DAB2: variants seen among roughly 807,000 people sequenced by gnomAD.
DAB2 encodes DAB adaptor protein 2.
Under a neutral mutation model 71.6 loss-of-function variants are expected in DAB2, and 28 were observed. The ratio of observed to expected loss-of-function variants is 0.39; its 90% CI spans 0.29 to 0.54. DAB2 has a LOEUF of 0.54. DAB2 is among the 20% of genes least tolerant of loss of function. DAB2 has a pLI of 0.68. For synonymous variants in DAB2, 345 were observed against 339.7 expected, an observed-to-expected ratio of 1.02 and a Z score of -0.17; for missense variants, 867 against 928.8, an observed-to-expected ratio of 0.93 and a Z score of 0.86.
In DAB2 at chr5:39,377,123, C is replaced by T; in HGVS notation, c.1664G>A (p.Trp555Ter). 6.2e-7 allele frequency: 1 copy of T among 1,614,130 alleles called. No individual in the cohort carries two copies. Among genetic ancestry groups the T allele is most frequent in the Admixed American group, 1.7e-5 (1 of 60,010 alleles). The change falls in exon 12 of 15, where the codon TGG (tryptophan) becomes TAG (stop). Residue 555 changes from tryptophan to a stop codon, truncating the protein, a stop_gained. Transcript: ENST00000320816. LOFTEE classifies it high-confidence loss of function. ...IFGTSPAVSGWNQPSPFAAST... is the reference protein window; with the variant it reads ...IFGTSPAVSG ...GGCTGCAAAGGGTGAAGGCTGGTTC[C>T]AACCTGAAACAGCTGGACTTGTACC...
intron 1 of DAB2, 76 bp downstream of exon 1, chr5:39,424,728 G>C (rs948767674): frequency 1.3e-5 from 2 of 149,474 alleles, no homozygotes; most frequent in Admixed American, 1.3e-4. Context: ...GGGTGAGAGA[G>C]GGGGAGCAAA....
chr5:39,388,209 C>T lies in DAB2; in HGVS notation c.687+96G>A, dbSNP rs1348860901. On this transcript the variant is annotated intron_variant, in intron 9 of 14. Coordinates refer to ENST00000320816, the MANE Select transcript of DAB2 (RefSeq NM_001343.4). ...ATTTGCAAAAATCAACAGTCACCTT[C>T]CAAGTTTCAATGAGATGCTTAAGAT... 5.7e-6 allele frequency: 5 copies of T among 876,696 alleles called. No individual in the cohort carries two copies. The African/African-American group carries it at 6.8e-5, about 12-fold the overall frequency. 54.3% of individuals were successfully genotyped at this position (876,696 alleles called of 1,614,324 possible). A position where few individuals can be genotyped will look rare whatever the true frequency, so the allele number is the denominator to read the frequency against.
At chr5:39,405,410 A>G (rs929865439) in intron 1 of DAB2, among the ~76,000 whole-genome samples, 3 of 152,234 alleles carry the variant, frequency 2.0e-5, no homozygotes, top group African/African-American at 7.2e-5. Flanking sequence ...ACTCACTTCT[A>G]CAAAGGAAAG....
chr5:39,424,140 AT>A (rs1186432188), intron 1 of DAB2, among the ~76,000 whole-genome samples: 12 of 151,846 alleles, frequency 7.9e-5, no homozygotes, highest in Non-Finnish European at 1.3e-4. Flanking sequence ...TAACCCATTC[AT>A]TTTTCCCCCC....
At chr5:39,376,137 G>A (rs1754822328) in intron 12 of DAB2, 31 bp from the exon 13 acceptor site, 1 of 1,568,148 alleles carries the variant, frequency 6.4e-7, no homozygotes, top group East Asian at 2.2e-5. Flanking sequence ...GCAATCAGTA[G>A]ACAAGCTTTC....
chr5:39,377,863 A>G (rs761570290), intron 11 of DAB2, among the ~76,000 whole-genome samples: 1 of 152,220 alleles, frequency 6.6e-6, no homozygotes, highest in Non-Finnish European at 1.5e-5. Flanking sequence ...AAGTTTCTTC[A>G]CTTTTTATTG....
rs1579911773 is a variant in DAB2, at chr5:39,393,126, A to G, written c.231+128T>C. 5.5e-6 allele frequency: 5 copies of G among 910,288 alleles called. No individual in the cohort carries two copies. The East Asian group carries it at 1.2e-4, about 22-fold the overall frequency. The allele number at this position is 910,288 out of a possible 1,614,324, so 56.4% of individuals were successfully genotyped here. The stretch of plus-strand genomic sequence containing the variant: ...ACGGTTTCTCAGAAAATGGGGCACT[A>G]CTGATGGATAATGTGATTAAAAGCA... On this transcript the variant is annotated intron_variant, in intron 3 of 14. Transcript: ENST00000320816.
chr5:39,392,113 A>T (rs1175036457), intron 4 of DAB2: 1 of 260,400 alleles, frequency 3.8e-6, no homozygotes, highest in Non-Finnish European at 7.3e-6. Flanking sequence ...TATAGACATA[A>T]TGTGAATCTA....
chr5:39,396,794 A>G (rs1265825601), intron 1 of DAB2, among the ~76,000 whole-genome samples: 1 of 152,210 alleles, frequency 6.6e-6, no homozygotes, highest in African/African-American at 2.4e-5. Context: ...CTTTCTCTGA[A>G]TGAAAGACAG....
In DAB2 at chr5:39,392,434, T is replaced by A. The variant is rs916848402; in HGVS notation, c.261A>T (p.Gly87=). Residue 87 remains glycine (G), a synonymous_variant, in exon 4 of 15, where the codon GGA becomes GGT. Coordinates refer to ENST00000320816, the MANE Select transcript of DAB2 (RefSeq NM_001343.4). ...KGMAAAGRSQ[G]QHKQRIWVNI... is the part of the protein sequence containing the mutation. Reference sequence around the variant, plus strand: ...TGACCCAGATCCTTTGTTTGTGTTGTCCCTGAGACCGACCAGCTGCCGCCA... The same window carrying A: ...TGACCCAGATCCTTTGTTTGTGTTGACCCTGAGACCGACCAGCTGCCGCCA... The A allele has an allele frequency of 6.2e-7, 1 of 1,614,016 alleles. No homozygotes were observed. Among genetic ancestry groups the A allele is most frequent in the African/African-American group, 1.3e-5 (1 of 74,926 alleles).
intron 1 of DAB2, among the ~76,000 whole-genome samples, chr5:39,409,106 T>G (rs1755666905): frequency 6.6e-6 from 1 of 151,762 alleles, no homozygotes; most frequent in Non-Finnish European, 1.5e-5. Context: ...TTAGCCTACC[T>G]GCTTGAAATT....
At chr5:39,395,693 T>C (rs951705162) in intron 1 of DAB2, among the ~76,000 whole-genome samples, 2 of 152,088 alleles carry the variant, frequency 1.3e-5, no homozygotes, top group Non-Finnish European at 2.9e-5. Context: ...ATTGCTTCAT[T>C]TGGAGATTTA....
intron 1 of DAB2, among the ~76,000 whole-genome samples, chr5:39,407,906 G>A (rs1017738624): frequency 7.2e-5 from 11 of 152,280 alleles, no homozygotes; most frequent in African/African-American, 2.6e-4. Context: ...CCACACCAGG[G>A]CACTTTAAAA....
chr5:39,383,561 C>G (rs1755031401), intron 9 of DAB2, among the ~76,000 whole-genome samples: 1 of 152,166 alleles, frequency 6.6e-6, no homozygotes, highest in African/African-American at 2.4e-5. Context: ...CTGGTTCACA[C>G]ATACAGACTG....
At chr5:39,381,041 G>C (rs1203114561) in intron 11 of DAB2, among the ~76,000 whole-genome samples, 2 of 152,106 alleles carry the variant, frequency 1.3e-5, no homozygotes, top group Non-Finnish European at 2.9e-5. Flanking sequence ...TTCTAAGAGG[G>C]CTATGTGTTG....
At chr5:39,394,151 C>T in intron 2 of DAB2, 79 bp downstream of exon 2, 1 of 1,194,498 alleles carries the variant, frequency 8.4e-7, no homozygotes, top group Middle Eastern at 1.9e-4. Context: ...CCAGCCCTTA[C>T]TTTATTCTGA....
Position 39,382,951 on chromosome 5 carries a change from C to T in DAB2, c.1008G>A (p.Leu336=), listed in dbSNP as rs780180784. 1.2e-6 allele frequency: 2 copies of T among 1,614,164 alleles called. No homozygotes were observed. Residue 336 remains leucine (L), a synonymous_variant, in exon 10 of 15, where the codon CTG becomes CTA. Transcript: ENST00000320816. ...GACCAAAGTAGTCAACATCACCATT[C>T]AGGGGCCCATTACTCAGCGGAGTAG... The part of the protein sequence containing the change: ...SSSTPLSNGP[L]NGDVDYFGQQ...
intron 4 of DAB2, 84 bp from the exon 5 acceptor site, chr5:39,390,659 A>G (rs763005551): frequency 7.3e-6 from 7 of 955,496 alleles, no homozygotes; most frequent in Non-Finnish European, 1.1e-5. Flanking sequence ...AGACACATAT[A>G]TGAAGGCATA....
intron 1 of DAB2, among the ~76,000 whole-genome samples, chr5:39,421,127 C>G (rs1255970304): frequency 1.3e-5 from 2 of 152,058 alleles, no homozygotes; most frequent in Non-Finnish European, 2.9e-5. Context: ...GCTTCCAGGA[C>G]GAAAACAGAG....
Sources: allele counts gnomAD v4.1 joint callset (sites outside exome capture counted in the v4.1 genomes callset), GRCh38; gene constraint gnomAD v4.1.1; transcripts MANE v1.5; gene names NCBI Gene and HGNC (gene_info 2026-07-23, HGNC 2026-07-21).